Variants in DOK7 observed in about 807,000 individuals in gnomAD.
DOK7 encodes the protein docking protein 7, also known as protein Dok-7.
DOK7 carries 32 observed loss-of-function variants against 30.7 expected under a neutral mutation model. That is an observed-to-expected ratio of 1.04 (90% confidence interval 0.79 to 1.40). The LOEUF (loss-of-function observed/expected upper bound fraction) is 1.40, where lower values mean the gene tolerates loss of function less well. DOK7 is among the 40% of genes most tolerant of loss of function. The pLI, the probability that DOK7 is intolerant of heterozygous loss-of-function variation, is 0.00. For synonymous variants in DOK7, 447 were observed against 324.1 expected (o/e 1.38, Z -4.07); for missense variants, 1,007 against 699.2 (o/e 1.44, Z -4.97).
intron 4 of DOK7, among the ~76,000 whole-genome samples, chr4:3,481,332 G>A (rs1402278203): frequency 1.3e-5 from 2 of 152,184 alleles, no homozygotes; most frequent in African/African-American, 4.8e-5. Flanking sequence ...AAGATGGAGG[G>A]CGAGGCTGCC....
In DOK7 at chr4:3,473,622, A is replaced by C. The variant is rs995774916; in HGVS notation, c.317A>C (p.Tyr106Ser). ...AMCAWDARIR[Y>S]ALGEVHRFHV... ...TGTGCGTGGGATGCCCGGATCCGCT[A>C]TGCGCTCGGCGAGGGTGAGTGACGG... is the stretch of plus-strand genomic sequence containing the variant. The change falls in exon 3 of 7, where the codon TAT (tyrosine) becomes TCT (serine). Residue 106 changes from tyrosine to serine, a missense_variant. By Grantham distance (144) the Tyr-to-Ser change is moderately radical. Coordinates refer to ENST00000340083, the MANE Select transcript of DOK7 (RefSeq NM_173660.5). 1.3e-6 allele frequency: 2 copies of C among 1,579,844 alleles called. No homozygotes were observed. Among genetic ancestry groups the C allele is most frequent in the East Asian group, 2.3e-5 (1 of 43,162 alleles).
chr4:3,481,551 C>T (rs1727445931), intron 4 of DOK7, among the ~76,000 whole-genome samples: 1 of 152,082 alleles, frequency 6.6e-6, no homozygotes, highest in South Asian at 2.1e-4. Flanking sequence ...CACCCGAGAC[C>T]CACTAGGTGG....
chr4:3,487,325 G>T (rs1039123631), intron 5 of DOK7, among the ~76,000 whole-genome samples: 20 of 152,252 alleles, frequency 1.3e-4, no homozygotes, highest in African/African-American at 4.8e-4. Context: ...CTGGGCTGAT[G>T]GGTTCGTCTG....
In DOK7 at chr4:3,476,024, T is replaced by C. The variant is rs1199002212; in HGVS notation, c.332-318T>C. On this transcript the variant is annotated intron_variant, in intron 3 of 6. Coordinates refer to ENST00000340083, the MANE Select transcript of DOK7 (RefSeq NM_173660.5). ...CGTCGCTGCCTCCCCGGCTGACACC[T>C]GGGCGGCTGCCCCCACCTGCCCCAG... 3.3e-5 allele frequency among the ~76,000 whole-genome samples: 5 copies of C among 152,020 alleles called. No individual in the cohort carries two copies. In the East Asian group the frequency reaches 9.7e-4, roughly 30 times the overall value.
chr4:3,500,105 G>A (rs891042663), intron 6 of DOK7: 8 of 1,008,388 alleles, frequency 7.9e-6, no homozygotes, highest in Non-Finnish European at 1.1e-5. Flanking sequence ...GGACGGTCAG[G>A]AACATGGAGC....
intron 5 of DOK7, among the ~76,000 whole-genome samples, chr4:3,486,687 C>T (rs527825096): frequency 1.2e-5 from 1 of 81,666 alleles, no homozygotes; most frequent in African/African-American, 5.2e-5. Context: ...GTCTTCCTGC[C>T]TAGTGGATGC....
intron 6 of DOK7, among the ~76,000 whole-genome samples, chr4:3,491,376 CT>C (rs1458356744): frequency 3.1e-4 from 45 of 143,776 alleles, no homozygotes; most frequent in Admixed American, 2.1e-3. Flanking sequence ...TCTGCTCCCC[CT>C]GCTCGTTCAT....
chr4:3,493,727 C>CG lies in DOK7; in HGVS notation c.*230dup, dbSNP rs910633244. 28 of 1,422,666 alleles carry CG rather than the reference C, an allele frequency of 2.0e-5. No individual in the cohort carries two copies. In the African/African-American group the frequency reaches 3.5e-4, roughly 18 times the overall value. 88.1% of individuals were successfully genotyped at this position (1,422,666 alleles called of 1,614,324 possible). ...GGCAGGGGCTCTGGGTCCGGCAGGT[C>CG]GGGGTCACCAGAGCCCCAATGCTCA... On this transcript the variant is annotated 3_prime_UTR_variant, in exon 7 of 7. Transcript: ENST00000340083.
At chr4:3,465,399 C>T (rs766460096) in intron 2 of DOK7, among the ~76,000 whole-genome samples, 1 of 152,190 alleles carries the variant, frequency 6.6e-6, no homozygotes, top group Admixed American at 6.5e-5. Flanking sequence ...TGGATGGGCC[C>T]GGCGTGGAGG....
At position 3,493,373 on chromosome 4, in the gene DOK7, G is replaced by C. The variant is rs745941308; in HGVS notation, c.1387G>C (p.Glu463Gln). The change falls in exon 7 of 7, where the codon GAG becomes CAG. Residue 463 changes from glutamate to glutamine, a missense_variant. Transcript: ENST00000340083. ...GLVMEAPQGSEATLPGPAPGE... is the reference protein window; with the variant it reads ...GLVMEAPQGSQATLPGPAPGE... ...GGTGATGGAGGCCCCCCAGGGCAGC[G>C]AGGCCACACTGCCTGGCCCTGCCCC... 1.3e-6 allele frequency: 2 copies of C among 1,595,966 alleles called. No homozygotes were observed. The highest frequency in any genetic ancestry group is 3.5e-5 in the Admixed American group (2 of 57,458).
chr4:3,482,516 T>C (rs1018919666), intron 4 of DOK7, among the ~76,000 whole-genome samples: 6 of 152,214 alleles, frequency 3.9e-5, no homozygotes, highest in Admixed American at 3.9e-4. Context: ...AGAGCATCCC[T>C]CATGCCACTT....
rs933140287 is a variant in DOK7, at chr4:3,494,227, C to T, written c.*726C>T. The T allele has an allele frequency of 3.0e-6, 3 of 985,448 alleles. No homozygotes were observed. Among genetic ancestry groups the T allele is most frequent in the Non-Finnish European group, 3.6e-6 (3 of 830,016 alleles). The allele number at this position is 985,448 out of a possible 1,614,324, so 61.0% of individuals were successfully genotyped here. On this transcript the variant is annotated 3_prime_UTR_variant, in exon 7 of 7. Transcript: ENST00000340083. ...TGGTGGGAGCTCTGCTGGCTCCTGT[C>T]TGAACCTCCTCGCAGGGCCAAAGGC...
intron 5 of DOK7, among the ~76,000 whole-genome samples, chr4:3,487,286 GC>G (rs1194040863): frequency 1.3e-5 from 2 of 152,220 alleles, no homozygotes; most frequent in African/African-American, 2.4e-5. Flanking sequence ...CGTGGGCCCA[GC>G]CCCCGCAGGC....
At chr4:3,489,128 G>A (rs1406407978) in intron 5 of DOK7, among the ~76,000 whole-genome samples, 4 of 152,202 alleles carry the variant, frequency 2.6e-5, no homozygotes, top group Non-Finnish European at 4.4e-5. Context: ...TGAGGGGAGG[G>A]GCTAGGTGGG....
chr4:3,467,830 C>G (rs965124614), intron 2 of DOK7, among the ~76,000 whole-genome samples: 1 of 152,154 alleles, frequency 6.6e-6, no homozygotes, highest in Non-Finnish European at 1.5e-5. Flanking sequence ...TCCTGGGTGT[C>G]TCGTGAGGAC....
At chr4:3,475,355 G>A (rs79295655) in intron 3 of DOK7, among the ~76,000 whole-genome samples, 2,326 of 152,388 alleles carry the variant, frequency 0.015, 37 homozygotes, top group Middle Eastern at 0.071. Context: ...TGAGGCCACA[G>A]CTTGGAGCAG....
intron 5 of DOK7, among the ~76,000 whole-genome samples, chr4:3,487,027 C>T (rs568022218): frequency 1.8e-4 from 27 of 152,250 alleles, no homozygotes; most frequent in African/African-American, 5.8e-4. Flanking sequence ...GCAGGCAGCA[C>T]GTGGGCCAGC....
At chr4:3,483,027 A>G in intron 4 of DOK7, among the ~76,000 whole-genome samples, 1 of 147,422 alleles carries the variant, frequency 6.8e-6, no homozygotes, top group African/African-American at 2.5e-5. Flanking sequence ...ATGTGGCCTG[A>G]GTCTGGAAAG....
chr4:3,487,520 C>T lies in DOK7; in HGVS notation c.652+1862C>T, dbSNP rs147468776. Among the ~76,000 whole-genome samples, 1,458 of 152,310 alleles carry T rather than the reference C, an allele frequency of 9.6e-3. 12 individuals carry two copies. Among genetic ancestry groups the T allele is most frequent in the Middle Eastern group, 0.054 (16 of 294 alleles). On this transcript the variant is annotated intron_variant, in intron 5 of 6. Transcript: ENST00000340083. ...GTCTTCCGCATGTGGACACCGAGTC[C>T]CAGAGGCAGCCAGACCCACCAGGAG...
Sources: allele counts gnomAD v4.1 joint callset (sites outside exome capture counted in the v4.1 genomes callset), GRCh38; gene constraint gnomAD v4.1.1; transcripts MANE v1.5; gene names NCBI Gene and HGNC (gene_info 2026-07-23, HGNC 2026-07-21).